Variants in ZNF682 observed in about 807,000 individuals in gnomAD.
ZNF682 encodes zinc finger protein 682.
Under a neutral mutation model 36.5 loss-of-function variants are expected in ZNF682, and 29 were observed. That is an observed-to-expected ratio of 0.80 (90% CI 0.59 to 1.08). ZNF682 has a LOEUF of 1.08. ZNF682 is among the 50% of genes least tolerant of loss of function. The pLI is 0.00. For synonymous variants in ZNF682, 180 were observed against 197.0 expected (o/e 0.91, Z 0.72); for missense variants, 561 against 579.7 (o/e 0.97, Z 0.33).
Position 20,006,031 on chromosome 19 carries a change from TAA to T in ZNF682, c.1469_1470del (p.Phe490Ter). On this transcript the variant is annotated frameshift_variant, in exon 4 of 4. Transcript: ENST00000397165. LOFTEE classifies it low-confidence loss of function (END_TRUNC). ...TACGTAGTAAGGTTTGAGCAGTGAT[TAA>T]AAGCTTCCCCACATTTTTTATACTT... The part of the protein sequence containing the change: ...SCKYKKCGEA[F>X]NHCSNLTT 1 of 1,605,084 alleles carries T rather than the reference TAA, an allele frequency of 6.2e-7. No homozygotes were observed. Among genetic ancestry groups the T allele is most frequent in the South Asian group, 1.1e-5 (1 of 90,006 alleles).
At position 20,009,231 on chromosome 19, in the gene ZNF682, T is replaced by C. The variant is rs550369864; in HGVS notation, c.227-1956A>G. On this transcript the variant is annotated intron_variant, in intron 3 of 3. Transcript: ENST00000397165. ...TTACTACAGGACTTTCAAAATACAA[T>C]TGAAAGCCTTAAAAACAGAATAGAC... 1.8e-4 allele frequency among the ~76,000 whole-genome samples: 27 copies of C among 152,192 alleles called. 1 individual carries two copies. In the East Asian group the frequency reaches 5.2e-3, roughly 29 times the overall value.
intron 3 of ZNF682, among the ~76,000 whole-genome samples, chr19:20,011,252 T>C (rs887971857): frequency 4.6e-5 from 7 of 152,088 alleles, no homozygotes; most frequent in Non-Finnish European, 8.8e-5. Context: ...AATAAATAAA[T>C]AGATAAATCA....
downstream of ZNF682, among the ~76,000 whole-genome samples, chr19:20,002,415 G>C (rs1279536638): frequency 6.6e-6 from 1 of 152,176 alleles, no homozygotes; most frequent in Non-Finnish European, 1.5e-5. Context: ...CCTGGGTGCT[G>C]AAAGACGGGC....
At chr19:19,996,207 G>A (rs1165156975), downstream of ZNF682, among the ~76,000 whole-genome samples, 1 of 152,222 alleles carries the variant, frequency 6.6e-6, no homozygotes, top group Non-Finnish European at 1.5e-5. Context: ...AACTATTGAG[G>A]AGTCTGAATC....
At chr19:19,999,294 G>A (rs2088148837) in intron 3 of ZNF682, among the ~76,000 whole-genome samples, 1 of 152,230 alleles carries the variant, frequency 6.6e-6, no homozygotes, top group Admixed American at 6.5e-5. Context: ...CCATTGGACA[G>A]AAGCTGAATT....
At chr19:20,002,787 T>C (rs1333397344), downstream of ZNF682, among the ~76,000 whole-genome samples, 1 of 151,810 alleles carries the variant, frequency 6.6e-6, no homozygotes, top group Non-Finnish European at 1.5e-5. Context: ...GACGTAAGAG[T>C]TGATAAAAAA....
intron 3 of ZNF682, among the ~76,000 whole-genome samples, chr19:20,021,688 A>G (rs1030982269): frequency 3.3e-5 from 5 of 152,220 alleles, no homozygotes; most frequent in Non-Finnish European, 7.3e-5. Context: ...ATTTGTGTGT[A>G]TATGTATACA....
intron 1 of ZNF682, among the ~76,000 whole-genome samples, chr19:20,027,706 C>G (rs918804278): frequency 2.0e-5 from 3 of 151,834 alleles, no homozygotes; most frequent in Non-Finnish European, 2.9e-5. Flanking sequence ...TTGTGGTGAG[C>G]CGAGATCGCA....
intron 3 of ZNF682, among the ~76,000 whole-genome samples, chr19:20,012,767 CAAAAAAAA>C (rs35481536): frequency 1.2e-5 from 1 of 83,740 alleles, no homozygotes; most frequent in African/African-American, 4.7e-5. Context: ...GACTCCGTCT[CAAAAAAAA>C]AAAAAAAAAA....
At chr19:20,035,880 C>T (rs865842469) in intron 1 of ZNF682, among the ~76,000 whole-genome samples, 11 of 151,972 alleles carry the variant, frequency 7.2e-5, no homozygotes, top group Middle Eastern at 6.3e-3. Context: ...GGATTACAGG[C>T]GTTCACCACC....
Position 20,007,160 on chromosome 19 carries a change from C to T in ZNF682, c.342G>A (p.Arg114=), listed in dbSNP as rs758132038. 1 of 1,613,668 alleles carries T rather than the reference C, an allele frequency of 6.2e-7. No homozygotes were observed. Among genetic ancestry groups the T allele is most frequent in the African/African-American group, 1.3e-5 (1 of 75,040 alleles). Reference sequence around the variant, plus strand: ...ACTCACCCACATTTTCCCCATCCTTCCTTAAGTGTAAATCCTCAAGTCCAC... The same window carrying T: ...ACTCACCCACATTTTCCCCATCCTTTCTTAAGTGTAAATCCTCAAGTCCAC... ...GSCGLEDLHL[R]KDGENVGECK... is the part of the protein sequence containing the mutation. Residue 114 remains arginine, a synonymous_variant, in exon 4 of 4, where the codon AGG becomes AGA. Coordinates refer to ENST00000397165, the MANE Select transcript of ZNF682 (RefSeq NM_033196.3).
Position 20,006,785 on chromosome 19 carries a change from G to T in ZNF682, c.717C>A (p.Asn239Lys). 1 of 1,613,854 alleles carries T rather than the reference G, an allele frequency of 6.2e-7. No individual in the cohort carries two copies. Among genetic ancestry groups the T allele is most frequent in the Non-Finnish European group, 8.5e-7 (1 of 1,179,948 alleles). ...TATGTTTAGTAAGACTCGAGCACCA[G>T]TTAAAAGCTTTGCCACATTCTTCAC... ...YKCEECGKAF[N>K]WCSSLTKHKR... Residue 239 changes from asparagine to lysine, a missense_variant, in exon 4 of 4, where the codon AAC becomes AAA. Physicochemically the swap from Asn to Lys is moderately conservative, Grantham distance 94 (BLOSUM62 0). Coordinates refer to ENST00000397165, the MANE Select transcript of ZNF682 (RefSeq NM_033196.3).
exon 4 of ZNF682, chr19:19,997,092 T>C (rs1599597172): frequency 2.6e-6 from 1 of 391,866 alleles, no homozygotes; most frequent in East Asian, 3.6e-5. Context: ...CCCAGAATAG[T>C]GGCAGCTCTG....
chr19:19,997,485 G>A (rs2088134858), intron 3 of ZNF682, among the ~76,000 whole-genome samples: 1 of 152,218 alleles, frequency 6.6e-6, no homozygotes. Context: ...TTCAGAGTGA[G>A]GCATGGTCAC....
chr19:20,010,408 C>T (rs1315181844), intron 3 of ZNF682, among the ~76,000 whole-genome samples: 1 of 152,148 alleles, frequency 6.6e-6, no homozygotes, highest in Non-Finnish European at 1.5e-5. Context: ...GCTTGTAATC[C>T]CAGCGCTTTG....
At chr19:20,035,080 A>G (rs2088516608) in intron 1 of ZNF682, among the ~76,000 whole-genome samples, 1 of 152,218 alleles carries the variant, frequency 6.6e-6, no homozygotes, top group East Asian at 1.9e-4. Context: ...CCTAAGCAAC[A>G]GGCTGAAATT....
Position 20,006,471 on chromosome 19 carries a change from T to A in ZNF682, c.1031A>T (p.Glu344Val), listed in dbSNP as rs776484681. ...THTGEKPYKC[E>V]ECGKAFNSSS... is the part of the protein sequence containing the mutation. ...TGAGTTAAAAGCTTTGCCACATTCT[T>A]CACATTTATAGGGTTTCTCTCCCGT... The change falls in exon 4 of 4, where the codon GAA (glutamate) becomes GTA (valine). Residue 344 changes from glutamate to valine, a missense_variant. Transcript: ENST00000397165. The A allele has an allele frequency of 1.2e-6, 2 of 1,614,096 alleles. No individual in the cohort carries two copies. The highest frequency in any genetic ancestry group is 1.7e-6 in the Non-Finnish European group (2 of 1,180,012).
intron 3 of ZNF682, among the ~76,000 whole-genome samples, chr19:20,011,991 T>G (rs940785741): frequency 1.3e-5 from 2 of 151,570 alleles, no homozygotes; most frequent in Non-Finnish European, 2.9e-5. Context: ...GAGCGGAGAT[T>G]GCGCCACTGC....
chr19:19,996,878 C>T (rs1001136631), downstream of ZNF682, among the ~76,000 whole-genome samples: 3 of 151,928 alleles, frequency 2.0e-5, no homozygotes, highest in Non-Finnish European at 4.4e-5. Flanking sequence ...AAACTGAGGC[C>T]CCAAAAGAGG....
Sources: allele counts gnomAD v4.1 joint callset (sites outside exome capture counted in the v4.1 genomes callset), GRCh38; gene constraint gnomAD v4.1.1; transcripts MANE v1.5; gene names NCBI Gene and HGNC (gene_info 2026-07-23, HGNC 2026-07-21).